Variants in EGFR observed in about 807,000 individuals in gnomAD.
EGFR encodes the protein avian erythroblastic leukemia viral (v-erb-b) oncogene homolog.
A neutral mutation model predicts 143.0 loss-of-function variants in EGFR; 58 were observed. The observed-to-expected ratio is 0.41, with a 90% CI of 0.33 to 0.50. EGFR has a LOEUF of 0.50. Ranked by LOEUF, EGFR falls within the 20% of genes least tolerant of loss-of-function variation. The pLI is 0.39. For synonymous variants in EGFR, 613 were observed against 594.4 expected, an observed-to-expected ratio of 1.03 and a Z score of -0.45; for missense variants, 1,307 against 1,579.0, an observed-to-expected ratio of 0.83 and a Z score of 2.92.
chr7:55,174,381 T>C (rs947802066), intron 18 of EGFR, among the ~76,000 whole-genome samples: 1 of 152,224 alleles, frequency 6.6e-6, no homozygotes, highest in African/African-American at 2.4e-5. Context: ...TCATCTTCGT[T>C]TGCTTCTTCT....
At chr7:55,054,445 A>G (rs1163800536) in intron 1 of EGFR, among the ~76,000 whole-genome samples, 1 of 152,256 alleles carries the variant, frequency 6.6e-6, no homozygotes, top group African/African-American at 2.4e-5. Context: ...GGGTCTGGGC[A>G]GAGCACTGCT....
At chr7:55,038,129 C>G (rs1316918833) in intron 1 of EGFR, among the ~76,000 whole-genome samples, 3 of 152,106 alleles carry the variant, frequency 2.0e-5, no homozygotes, top group Non-Finnish European at 4.4e-5. Context: ...GGGGGTGGAG[C>G]CACAGTACAT....
At chr7:55,133,651 TTC>T (rs1382663841) in intron 1 of EGFR, among the ~76,000 whole-genome samples, 2 of 152,300 alleles carry the variant, frequency 1.3e-5, no homozygotes, top group Admixed American at 6.5e-5. Context: ...CACTGCCCCA[TTC>T]TGTCCCACCC....
chr7:55,201,809 A>C (rs769040103), intron 26 of EGFR, 27 bp downstream of exon 26: 1 of 1,612,122 alleles, frequency 6.2e-7, no homozygotes, highest in Admixed American at 1.7e-5. Context: ...TATAAGCCAG[A>C]ATTTACAGCT....
At chr7:55,027,991 A>AATATATATATATAT (rs374300539) in intron 1 of EGFR, among the ~76,000 whole-genome samples, 11 of 54,976 alleles carry the variant, frequency 2.0e-4, no homozygotes, top group Non-Finnish European at 2.6e-4. Flanking sequence ...AAAAAAAAAA[A>AATATATATATATAT]ATATATATAT....
At chr7:55,199,544 A>C (rs1787758892) in intron 23 of EGFR, among the ~76,000 whole-genome samples, 1 of 152,258 alleles carries the variant, frequency 6.6e-6, no homozygotes, top group South Asian at 2.1e-4. Context: ...GTTTGGGCTA[A>C]GGAAGCTGTG....
chr7:55,152,744 T>G (rs1785223929), intron 6 of EGFR, 80 bp downstream of exon 6: 6 of 1,179,694 alleles, frequency 5.1e-6, no homozygotes, highest in Non-Finnish European at 7.5e-6. Context: ...GAAGACTTCC[T>G]GTGGGGGAGC....
chr7:55,166,630 T>C (rs1183350185), intron 15 of EGFR, among the ~76,000 whole-genome samples: 1 of 143,382 alleles, frequency 7.0e-6, no homozygotes, highest in African/African-American at 2.6e-5. Context: ...GGTGAGGAGG[T>C]GGGAGTCACA....
At chr7:55,169,753 G>A (rs1786253801) in intron 15 of EGFR, among the ~76,000 whole-genome samples, 1 of 152,020 alleles carries the variant, frequency 6.6e-6, no homozygotes, top group Admixed American at 6.6e-5. Flanking sequence ...GCCCCGTCCT[G>A]CCACTGTCCT....
At chr7:55,069,354 T>C (rs1358968193) in intron 1 of EGFR, among the ~76,000 whole-genome samples, 1 of 152,222 alleles carries the variant, frequency 6.6e-6, no homozygotes, top group Non-Finnish European at 1.5e-5. Context: ...TGGTGATTGC[T>C]GCACACGGGA....
chr7:55,124,744 A>T (rs1413265302), intron 1 of EGFR, among the ~76,000 whole-genome samples: 1 of 152,162 alleles, frequency 6.6e-6, no homozygotes, highest in Non-Finnish European at 1.5e-5. Context: ...GCTGCCCCAC[A>T]TGCCTTGCTC....
chr7:55,175,210 T>C (rs1027114845), intron 19 of EGFR, among the ~76,000 whole-genome samples: 29 of 152,334 alleles, frequency 1.9e-4, no homozygotes, highest in African/African-American at 5.3e-4. Context: ...TTTAAGCCCC[T>C]TGTTATTTCT....
At chr7:55,089,939 C>CTTATTTAT (rs201718066) in intron 1 of EGFR, among the ~76,000 whole-genome samples, 4 of 145,100 alleles carry the variant, frequency 2.8e-5, no homozygotes, top group Admixed American at 6.9e-5. Context: ...GGTGATGCTA[C>CTTATTTAT]TTATTTATTT....
chr7:55,168,940 T>C (rs1786206053), intron 15 of EGFR, among the ~76,000 whole-genome samples: 1 of 152,158 alleles, frequency 6.6e-6, no homozygotes, highest in African/African-American at 2.4e-5. Flanking sequence ...CCATTTCTAT[T>C]GTTAAAGAAA....
rs2128934812 is a variant in EGFR at position 55,154,001 on chromosome 7, T to C, written c.748-10T>C. 1.2e-6 allele frequency: 2 copies of C among 1,614,150 alleles called. No individual in the cohort carries two copies. Among genetic ancestry groups the C allele is most frequent in the Non-Finnish European group, 1.7e-6 (2 of 1,180,022 alleles). ...CCTCACTTGCCCAGCGTGTCCTCTCTCCTCCATAGGTCTGCCGCAAATTCC... is the reference window on the plus strand; with the variant it reads ...CCTCACTTGCCCAGCGTGTCCTCTCCCCTCCATAGGTCTGCCGCAAATTCC... On this transcript the variant is annotated splice_polypyrimidine_tract_variant and intron_variant, in intron 6 of 27. Transcript: ENST00000275493.
Position 55,019,263 on chromosome 7 carries a change from C to A in EGFR, c.-15C>A. On this transcript the variant is annotated 5_prime_UTR_variant, in exon 1 of 28. Coordinates refer to ENST00000275493, the MANE Select transcript of EGFR (RefSeq NM_005228.5). ...TTGATCGGGAGAGCCGGAGCGAGCT[C>A]TTCGGGGAGCAGCGATGCGACCCTC... 6.7e-7 allele frequency: 1 copy of A among 1,488,774 alleles called. No individual in the cohort carries two copies. The highest frequency in any genetic ancestry group is 1.2e-5 in the South Asian group (1 of 80,974). The allele number at this position is 1,488,774 out of a possible 1,614,324, so 92.2% of individuals were successfully genotyped here. A position where few individuals can be genotyped will look rare whatever the true frequency, so the allele number is the denominator to read the frequency against.
intron 25 of EGFR, among the ~76,000 whole-genome samples, 170 bp from the exon 26 acceptor site, chr7:55,201,565 G>T (rs1787850557): frequency 6.6e-6 from 1 of 152,090 alleles, no homozygotes; most frequent in South Asian, 2.1e-4. Context: ...GGTCCACTAT[G>T]GAATGTAATT....
At chr7:55,176,922 T>A (rs1485663705) in intron 19 of EGFR, among the ~76,000 whole-genome samples, 1 of 147,880 alleles carries the variant, frequency 6.8e-6, no homozygotes. Context: ...TATCTCTCTC[T>A]AAATATATAT....
intron 18 of EGFR, 134 bp from the exon 19 acceptor site, chr7:55,174,588 T>G: frequency 1.3e-6 from 1 of 783,680 alleles, no homozygotes; most frequent in East Asian, 2.6e-5. Context: ...ATATCAGCCT[T>G]AGGTGCGGCT....
Sources: allele counts gnomAD v4.1 joint callset (sites outside exome capture counted in the v4.1 genomes callset), GRCh38; gene constraint gnomAD v4.1.1; transcripts MANE v1.5; gene names NCBI Gene and HGNC (gene_info 2026-07-23, HGNC 2026-07-21).